FARS2: variants seen among roughly 807,000 people sequenced by gnomAD.
The protein encoded by FARS2 is phenylalanine--tRNA ligase, mitochondrial.
In FARS2, 40 loss-of-function variants were observed where a neutral mutation model predicts 46.4. The ratio of observed to expected loss-of-function variants is 0.86; its 90% CI spans 0.67 to 1.12. The LOEUF (loss-of-function observed/expected upper bound fraction) is 1.12. Among genes scored for constraint, FARS2 ranks in the 50% most tolerant of loss-of-function variants. FARS2 has a pLI of 0.00. For missense variants in FARS2, 513 were observed against 567.9 expected, an observed-to-expected ratio of 0.90 and a Z score of 0.98; for synonymous variants, 234 against 214.9, an observed-to-expected ratio of 1.09 and a Z score of -0.78.
intron 1 of FARS2, among the ~76,000 whole-genome samples, chr6:5,318,714 C>T (rs971727142): frequency 6.6e-6 from 1 of 152,116 alleles, no homozygotes; most frequent in Non-Finnish European, 1.5e-5. Context: ...TAGAGCTTTC[C>T]CCTTGGCTCA....
intron 6 of FARS2, among the ~76,000 whole-genome samples, chr6:5,712,654 A>G (rs1268061163): frequency 6.6e-6 from 1 of 152,252 alleles, no homozygotes; most frequent in Non-Finnish European, 1.5e-5. Context: ...GCTTCCAGCT[A>G]AGGCACGTCT....
intron 2 of FARS2, among the ~76,000 whole-genome samples, chr6:5,385,260 A>G (rs1760041069): frequency 6.6e-6 from 1 of 152,194 alleles, no homozygotes; most frequent in Admixed American, 6.5e-5. Context: ...TCCCTTTAAT[A>G]TATCTGTCTA....
chr6:5,474,753 T>C (rs920596684), intron 4 of FARS2, among the ~76,000 whole-genome samples: 1 of 147,320 alleles, frequency 6.8e-6, no homozygotes, highest in African/African-American at 2.5e-5. Context: ...CTCTTCCTCC[T>C]GGATTAAAGC....
At position 5,704,617 on chromosome 6, in the gene FARS2, G is replaced by T. The variant is rs371357507; in HGVS notation, c.1218-66674G>T. On this transcript the variant is annotated intron_variant, in intron 6 of 6. Coordinates refer to ENST00000274680, the MANE Select transcript of FARS2 (RefSeq NM_006567.5). ...ACAATGGTTGGATCAGTTCAAAGTG[G>T]TTCATTGACGTCCAAAAAAAGTGAA... Among the ~76,000 whole-genome samples, 7 of 152,290 alleles carry T rather than the reference G, an allele frequency of 4.6e-5. No homozygotes were observed. The South Asian group carries it at 1.4e-3, about 32-fold the overall frequency.
At chr6:5,393,382 C>A (rs1236431053) in intron 2 of FARS2, among the ~76,000 whole-genome samples, 1 of 152,064 alleles carries the variant, frequency 6.6e-6, no homozygotes, top group African/African-American at 2.4e-5. Flanking sequence ...TTTGGCCGGG[C>A]ATGGTGGCTA....
chr6:5,395,862 T>C (rs62385368), intron 2 of FARS2, among the ~76,000 whole-genome samples: 9,185 of 152,256 alleles, frequency 0.06, 401 homozygotes, highest in Non-Finnish European at 0.09. Context: ...ATTGAGGAAA[T>C]GTATAAAATA....
At chr6:5,532,412 C>T (rs1014959392) in intron 4 of FARS2, among the ~76,000 whole-genome samples, 1 of 152,136 alleles carries the variant, frequency 6.6e-6, no homozygotes, top group Non-Finnish European at 1.5e-5. Context: ...GGATAAAACT[C>T]AAGATAATAT....
chr6:5,583,149 A>C (rs7756622), intron 5 of FARS2, among the ~76,000 whole-genome samples: 90,160 of 152,066 alleles, frequency 0.59, 27,092 homozygotes, highest in Non-Finnish European at 0.65. Flanking sequence ...TAAAATTAAA[A>C]AGTTATTGTA....
intron 4 of FARS2, among the ~76,000 whole-genome samples, chr6:5,473,107 T>G (rs907643356): frequency 1.1e-4 from 16 of 152,208 alleles, no homozygotes; most frequent in Non-Finnish European, 1.0e-4. Flanking sequence ...ACTTTTGGTG[T>G]TATCTATATT....
intron 1 of FARS2, among the ~76,000 whole-genome samples, chr6:5,297,756 A>T (rs150172390): frequency 6.6e-6 from 1 of 152,244 alleles, no homozygotes; most frequent in African/African-American, 2.4e-5. Context: ...TTCCAAATTT[A>T]TGCTTTCAAA....
chr6:5,705,001 T>C (rs1272091321), intron 6 of FARS2, among the ~76,000 whole-genome samples: 2 of 152,220 alleles, frequency 1.3e-5, no homozygotes, highest in Admixed American at 1.3e-4. Context: ...GTCATTATTA[T>C]AGTTCTCAAA....
intron 6 of FARS2, among the ~76,000 whole-genome samples, chr6:5,717,512 A>G (rs947886931): frequency 6.6e-6 from 1 of 152,000 alleles, no homozygotes; most frequent in Admixed American, 6.6e-5. Context: ...CCATGGTGTC[A>G]TTTAACATGT....
intron 2 of FARS2, 77 bp downstream of exon 2, chr6:5,369,259 T>A (rs1296158869): frequency 7.0e-7 from 1 of 1,426,026 alleles, no homozygotes; most frequent in South Asian, 1.3e-5. Context: ...TTTAGCTCGA[T>A]GAGACCAGCA....
intron 3 of FARS2, among the ~76,000 whole-genome samples, chr6:5,416,597 T>C (rs116192098): frequency 0.021 from 3,182 of 152,352 alleles, 57 homozygotes; most frequent in South Asian, 0.068. Flanking sequence ...TTCAAAGTTA[T>C]TTTAATTAGA....
chr6:5,612,857 A>AT (rs1775263364), intron 5 of FARS2, among the ~76,000 whole-genome samples: 1 of 152,182 alleles, frequency 6.6e-6, no homozygotes, highest in South Asian at 2.1e-4. Flanking sequence ...CTCCTCTAGT[A>AT]TTCAAATGGG....
chr6:5,738,950 A>G (rs1313492943), intron 6 of FARS2, among the ~76,000 whole-genome samples: 1 of 152,204 alleles, frequency 6.6e-6, no homozygotes, highest in Non-Finnish European at 1.5e-5. Flanking sequence ...GACTCGTTAG[A>G]ACAGGCATCA....
chr6:5,337,823 A>G (rs1436920490), intron 1 of FARS2, among the ~76,000 whole-genome samples: 1 of 152,166 alleles, frequency 6.6e-6, no homozygotes, highest in African/African-American at 2.4e-5. Context: ...TAAATTTTAG[A>G]AATGATTGGC....
chr6:5,576,844 A>G (rs984546190), intron 5 of FARS2, among the ~76,000 whole-genome samples: 2 of 151,118 alleles, frequency 1.3e-5, no homozygotes, highest in Non-Finnish European at 2.9e-5. Context: ...ATTTTTTTTT[A>G]ATTTTGAACC....
At chr6:5,319,845 G>A (rs1373130905) in intron 1 of FARS2, among the ~76,000 whole-genome samples, 3 of 152,172 alleles carry the variant, frequency 2.0e-5, no homozygotes, top group African/African-American at 7.2e-5. Flanking sequence ...AAGCAGGAAA[G>A]CATTCAAGAT....
Sources: gnomAD v4.1 joint callset for allele counts (sites outside exome capture counted in the v4.1 genomes callset) on GRCh38, gnomAD v4.1.1 for gene constraint, MANE v1.5 for transcripts, NCBI Gene and HGNC (gene_info 2026-07-23, HGNC 2026-07-21) for gene names.